Variants in CEP128 observed in about 807,000 individuals in gnomAD.
CEP128 encodes centrosomal protein 128, also known as centrosomal protein 128kDa.
CEP128 carries 132 observed loss-of-function variants against 156.7 expected under a neutral mutation model. The ratio of observed to expected loss-of-function variants is 0.84; its 90% CI spans 0.73 to 0.97. The LOEUF is 0.97. Ranked by LOEUF, CEP128 falls within the 50% of genes least tolerant of loss-of-function variation. The pLI, the probability that CEP128 is intolerant of heterozygous loss-of-function variation, is 0.00. For missense variants in CEP128, 1,252 were observed against 1,281.9 expected, an observed-to-expected ratio of 0.98 and a Z score of 0.36; for synonymous variants, 469 against 448.9, an observed-to-expected ratio of 1.04 and a Z score of -0.57.
chr14:80,702,916 T>C (rs1194164317), intron 19 of CEP128, among the ~76,000 whole-genome samples: 4 of 152,098 alleles, frequency 2.6e-5, no homozygotes, highest in Non-Finnish European at 5.9e-5. Flanking sequence ...CTAAGCATAG[T>C]AGGGTTTTTA....
At chr14:80,835,830 A>T (rs1482372505) in intron 12 of CEP128, among the ~76,000 whole-genome samples, 1 of 152,216 alleles carries the variant, frequency 6.6e-6, no homozygotes, top group African/African-American at 2.4e-5. Flanking sequence ...AATTGAGATA[A>T]GAGAATGTGA....
chr14:80,804,028 CT>C (rs1178433845), intron 13 of CEP128, among the ~76,000 whole-genome samples: 2 of 151,836 alleles, frequency 1.3e-5, no homozygotes, highest in Non-Finnish European at 2.9e-5. Context: ...ATAAAACAAA[CT>C]TTTTAGTATA....
At chr14:80,722,316 T>C (rs938852198) in intron 19 of CEP128, among the ~76,000 whole-genome samples, 1 of 152,112 alleles carries the variant, frequency 6.6e-6, no homozygotes, top group African/African-American at 2.4e-5. Flanking sequence ...ACAAATATCA[T>C]AAGTATTTTC....
intron 13 of CEP128, among the ~76,000 whole-genome samples, chr14:80,803,934 G>C (rs1430463242): frequency 1.3e-5 from 2 of 151,906 alleles, no homozygotes; most frequent in African/African-American, 2.4e-5. Flanking sequence ...GTTTATACTA[G>C]CTAAACTGTC....
chr14:80,562,845 G>A (rs1464993344), intron 20 of CEP128, among the ~76,000 whole-genome samples: 1 of 150,844 alleles, frequency 6.6e-6, no homozygotes, highest in Non-Finnish European at 1.5e-5. Flanking sequence ...TTTACTTTTT[G>A]TAGAGATGGG....
At chr14:80,542,175 GTAAT>G (rs1889794061) in intron 21 of CEP128, among the ~76,000 whole-genome samples, 1 of 152,134 alleles carries the variant, frequency 6.6e-6, no homozygotes, top group African/African-American at 2.4e-5. Context: ...CATCCTGTGT[GTAAT>G]TATTTTGTAA....
intron 19 of CEP128, among the ~76,000 whole-genome samples, chr14:80,587,939 C>G (rs1407557101): frequency 6.6e-6 from 1 of 152,040 alleles, no homozygotes; most frequent in Non-Finnish European, 1.5e-5. Flanking sequence ...TTATCCTATG[C>G]TCTGTTCTTG....
At chr14:80,494,555 A>C (rs1842657267), downstream of CEP128, among the ~76,000 whole-genome samples, 3 of 152,182 alleles carry the variant, frequency 2.0e-5, no homozygotes, top group Non-Finnish European at 2.9e-5. Flanking sequence ...TTTTAAACAC[A>C]ATGTGTTATC....
At chr14:80,509,500 T>C (rs1888144342) in intron 23 of CEP128, among the ~76,000 whole-genome samples, 1 of 152,244 alleles carries the variant, frequency 6.6e-6, no homozygotes, top group Non-Finnish European at 1.5e-5. Flanking sequence ...TTTTTTTCCC[T>C]ATGGAGTTGT....
At chr14:80,761,338 C>G in intron 17 of CEP128, 99 bp downstream of exon 17, 1 of 886,806 alleles carries the variant, frequency 1.1e-6, no homozygotes, top group Non-Finnish European at 1.6e-6. Context: ...ATAAAATTTT[C>G]CATAATAATA....
At position 80,579,967 on chromosome 14, in the gene CEP128, T is replaced by C. The variant is rs74064284; in HGVS notation, c.2856+407A>G. Among the ~76,000 whole-genome samples, 763 of 152,326 alleles carry C rather than the reference T, an allele frequency of 5.0e-3. 13 individuals carry two copies. The highest frequency in any genetic ancestry group is 0.017 in the African/African-American group (719 of 41,580). ...ACAAGGCAACCTTAAGCTCTATTTA[T>C]GTGTTAATTGGTTGGTCATTAGTAG... On this transcript the variant is annotated intron_variant, in intron 20 of 24. Coordinates refer to ENST00000555265, the MANE Select transcript of CEP128 (RefSeq NM_152446.5).
intron 19 of CEP128, among the ~76,000 whole-genome samples, chr14:80,646,835 T>C (rs1894653309): frequency 6.6e-6 from 1 of 151,402 alleles, no homozygotes; most frequent in African/African-American, 2.4e-5. Context: ...ACTCTTATTC[T>C]CTACTATGGC....
intron 19 of CEP128, among the ~76,000 whole-genome samples, chr14:80,701,724 G>C (rs933491455): frequency 6.6e-6 from 1 of 152,006 alleles, no homozygotes; most frequent in Non-Finnish European, 1.5e-5. Context: ...TTAAACATGG[G>C]ACTTCTATGT....
intron 13 of CEP128, among the ~76,000 whole-genome samples, chr14:80,813,573 C>T (rs1279568926): frequency 6.6e-6 from 1 of 151,944 alleles, no homozygotes; most frequent in Non-Finnish European, 1.5e-5. Flanking sequence ...AGTATATATT[C>T]ATTATTCTTA....
chr14:80,938,310 G>A (rs546160903), intron 2 of CEP128, among the ~76,000 whole-genome samples: 22 of 148,294 alleles, frequency 1.5e-4, no homozygotes, highest in Non-Finnish European at 2.7e-4. Flanking sequence ...GCAGTGGCGC[G>A]ATCTCTGCTC....
chr14:80,637,652 G>T (rs1894241648), intron 19 of CEP128, among the ~76,000 whole-genome samples: 1 of 152,074 alleles, frequency 6.6e-6, no homozygotes, highest in African/African-American at 2.4e-5. Flanking sequence ...AAAACTGAAT[G>T]GTGCCCCTAA....
Position 80,822,399 on chromosome 14 carries a change from G to A in CEP128, c.1209+8744C>T, listed in dbSNP as rs181922857. 8.2e-5 allele frequency: 33 copies of A among 403,160 alleles called. 1 individual carries two copies. Among genetic ancestry groups the A allele is most frequent in the Middle Eastern group, 7.2e-4 (1 of 1,396 alleles). 25.0% of individuals were successfully genotyped at this position (403,160 alleles called of 1,614,324 possible). Reference sequence around the variant, plus strand: ...CCCCATGCAAGTCCAAAATCCAACAGGGAAGTCAAATCTTAACACTTCAAA... The same window carrying A: ...CCCCATGCAAGTCCAAAATCCAACAAGGAAGTCAAATCTTAACACTTCAAA... On this transcript the variant is annotated intron_variant, in intron 13 of 24. Transcript: ENST00000555265.
At chr14:80,591,716 C>A (rs571184320) in intron 19 of CEP128, among the ~76,000 whole-genome samples, 1 of 152,276 alleles carries the variant, frequency 6.6e-6, no homozygotes, top group Admixed American at 6.5e-5. Context: ...CTTCTTAGTA[C>A]CACATCACAC....
At chr14:80,490,240 A>G (rs117429470), downstream of CEP128, among the ~76,000 whole-genome samples, 5 of 152,274 alleles carry the variant, frequency 3.3e-5, no homozygotes, top group East Asian at 9.7e-4. Flanking sequence ...GTCGACATTG[A>G]GGTAAAGCTG....
Sources: gnomAD v4.1 joint callset for allele counts (sites outside exome capture counted in the v4.1 genomes callset) on GRCh38, gnomAD v4.1.1 for gene constraint, MANE v1.5 for transcripts, NCBI Gene and HGNC (gene_info 2026-07-23, HGNC 2026-07-21) for gene names.